The following GPHN variants were observed in gnomAD, a reference collection of about 807,000 sequenced individuals.
GPHN encodes the protein gephyrin.
GPHN carries 17 observed loss-of-function variants against 95.5 expected under a neutral mutation model. That is an observed-to-expected ratio of 0.18 (90% CI 0.12 to 0.27). The LOEUF (loss-of-function observed/expected upper bound fraction) is 0.27. GPHN is among the 10% of genes least tolerant of loss of function. GPHN has a pLI of 1.00. For missense variants in GPHN, 660 were observed against 978.1 expected (o/e 0.67, Z 4.34); for synonymous variants, 320 against 322.5 (o/e 0.99, Z 0.08).
At chr14:67,524,886 T>G in the GPHN span, among the ~76,000 whole-genome samples, 2 of 152,148 alleles carry the variant, frequency 1.3e-5, no homozygotes, top group South Asian at 4.1e-4. Flanking sequence ...CTCTCCCCGG[T>G]ATCTTAATGA....
intron 1 of GPHN, among the ~76,000 whole-genome samples, chr14:66,611,089 A>G (rs1288327982): frequency 2.0e-5 from 3 of 152,190 alleles, no homozygotes; most frequent in Non-Finnish European, 4.4e-5. Context: ...AAAGCCCTTC[A>G]CATAATAAAA....
At chr14:66,514,575 T>C (rs2058166874) in intron 1 of GPHN, among the ~76,000 whole-genome samples, 1 of 152,088 alleles carries the variant, frequency 6.6e-6, no homozygotes, top group African/African-American at 2.4e-5. Flanking sequence ...TAGACCTAGT[T>C]AATTTTTTTC....
At chr14:66,837,500 C>T (rs1284580422) in intron 4 of GPHN, among the ~76,000 whole-genome samples, 2 of 147,674 alleles carry the variant, frequency 1.4e-5, no homozygotes, top group Non-Finnish European at 3.0e-5. Flanking sequence ...TGCTAGATGA[C>T]GAGTTAGTGG....
chr14:66,845,879 G>A lies in GPHN; in HGVS notation c.294+21313G>A, dbSNP rs571449208. 1.1e-4 allele frequency among the ~76,000 whole-genome samples: 16 copies of A among 151,800 alleles called. No individual in the cohort carries two copies. In the East Asian group the frequency reaches 2.9e-3, roughly 28 times the overall value. On this transcript the variant is annotated intron_variant, in intron 4 of 22. Coordinates refer to ENST00000478722, the MANE Select transcript of GPHN (RefSeq NM_020806.5). Reference sequence around the variant, plus strand: ...TGTGTGTCTGTGTGCGTGCGCACACGTGAACGTGTGTCTGTGTGTGTGTTT... The same window carrying A: ...TGTGTGTCTGTGTGCGTGCGCACACATGAACGTGTGTCTGTGTGTGTGTTT...
At chr14:67,572,284 CG>C in the GPHN span, 2 of 1,583,932 alleles carry the variant, frequency 1.3e-6, no homozygotes, top group South Asian at 1.1e-5. Context: ...CGGGGTGAGC[CG>C]GGAAACGGGC....
At chr14:67,383,660 G>A in the GPHN span, 6,115 of 510,156 alleles carry the variant, frequency 0.012, 80 homozygotes, top group Middle Eastern at 0.04. Flanking sequence ...TAAGGGAGTG[G>A]CCTCATTTCA....
the GPHN span, among the ~76,000 whole-genome samples, chr14:67,720,612 T>C: frequency 6.6e-6 from 1 of 152,248 alleles, no homozygotes; most frequent in Non-Finnish European, 1.5e-5. Flanking sequence ...ATTTTCATCA[T>C]ATCTAAATGC....
At chr14:67,698,317 T>C in the GPHN span, among the ~76,000 whole-genome samples, 5 of 152,200 alleles carry the variant, frequency 3.3e-5, no homozygotes, top group African/African-American at 1.2e-4. Context: ...TACTAAAAAA[T>C]TAGCTAGGCA....
At chr14:67,327,414 G>A in the GPHN span, among the ~76,000 whole-genome samples, 1 of 152,112 alleles carries the variant, frequency 6.6e-6, no homozygotes, top group Non-Finnish European at 1.5e-5. Flanking sequence ...AGCATTTTCA[G>A]AGGCCAAGGA....
intron 2 of GPHN, among the ~76,000 whole-genome samples, chr14:66,692,889 A>G (rs1251400996): frequency 6.6e-6 from 1 of 152,096 alleles, no homozygotes; most frequent in African/African-American, 2.4e-5. Flanking sequence ...ATGTTTATTC[A>G]TACTAGGTAG....
chr14:66,985,743 A>AT (rs1184188121), intron 9 of GPHN: 1 of 1,512,308 alleles, frequency 6.6e-7, no homozygotes, highest in Non-Finnish European at 8.9e-7. Context: ...CTCAAAGTAA[A>AT]TATGTTTCTA....
At chr14:66,541,024 T>A (rs183197144) in intron 1 of GPHN, among the ~76,000 whole-genome samples, 42 of 152,288 alleles carry the variant, frequency 2.8e-4, no homozygotes, top group Non-Finnish European at 7.4e-5. Context: ...CTTGGCTCAC[T>A]GCAACCTCTG....
intron 19 of GPHN, among the ~76,000 whole-genome samples, chr14:67,164,191 C>T (rs977746335): frequency 2.0e-5 from 3 of 146,682 alleles, no homozygotes; most frequent in Non-Finnish European, 3.0e-5. Flanking sequence ...TCACTTGAAC[C>T]CGGGAGGCGG....
chr14:67,674,431 C>T, the GPHN span: 5 of 1,609,248 alleles, frequency 3.1e-6, no homozygotes, highest in South Asian at 5.5e-5. Context: ...TTCATGGAGG[C>T]CGCGGAAGAT....
intron 21 of GPHN, among the ~76,000 whole-genome samples, chr14:67,174,616 A>G (rs2082814567): frequency 6.6e-6 from 1 of 152,208 alleles, no homozygotes. Flanking sequence ...TGGCTGGGTC[A>G]AATGGTATTT....
the GPHN span, among the ~76,000 whole-genome samples, chr14:67,361,318 T>C: frequency 6.6e-6 from 1 of 152,212 alleles, no homozygotes; most frequent in Non-Finnish European, 1.5e-5. Flanking sequence ...GTCAATAGTT[T>C]GGGGGTGACT....
chr14:66,566,977 A>G (rs886478185), intron 1 of GPHN, among the ~76,000 whole-genome samples: 1 of 152,346 alleles, frequency 6.6e-6, no homozygotes, highest in Admixed American at 6.5e-5. Context: ...GGTTGTCTTT[A>G]AAACAGTGTG....
intron 1 of GPHN, among the ~76,000 whole-genome samples, chr14:66,632,256 G>C (rs1201940984): frequency 6.6e-6 from 1 of 152,098 alleles, no homozygotes; most frequent in Non-Finnish European, 1.5e-5. Flanking sequence ...TCCCCTGTAG[G>C]TATATGGGAT....
At chr14:66,975,703 G>C (rs990180317) in intron 9 of GPHN, among the ~76,000 whole-genome samples, 2 of 151,108 alleles carry the variant, frequency 1.3e-5, no homozygotes, top group East Asian at 3.9e-4. Context: ...AACATAGTGA[G>C]ACCCTGTCTC....
Sources: allele counts gnomAD v4.1 joint callset (sites outside exome capture counted in the v4.1 genomes callset), GRCh38; gene constraint gnomAD v4.1.1; transcripts MANE v1.5; gene names NCBI Gene and HGNC (gene_info 2026-07-23, HGNC 2026-07-21).